Variants in AFF4 observed in about 807,000 individuals in gnomAD.
The protein encoded by AFF4 is ALF transcription elongation factor 4, also known as AF4/FMR2 family member 4.
AFF4 carries 13 observed loss-of-function variants against 124.8 expected under a neutral mutation model. That is an observed-to-expected ratio of 0.10 (90% CI 0.07 to 0.17). The LOEUF (loss-of-function observed/expected upper bound fraction) is 0.17. Among genes scored for constraint, AFF4 ranks in the 10% least tolerant of loss-of-function variants. The pLI is 1.00. For missense variants in AFF4, 1,092 were observed against 1,403.8 expected (o/e 0.78, Z 3.55); for synonymous variants, 477 against 496.1 (o/e 0.96, Z 0.51).
rs895660242 is a variant in AFF4 at position 132,937,756 on chromosome 5, T to G, written c.-4-563A>C. 39 of 152,234 alleles carry G rather than the reference T, an allele frequency of 2.6e-4. 1 individual carries two copies. Among genetic ancestry groups the G allele is most frequent in the Non-Finnish European group, 2.9e-5 (2 of 68,050 alleles). 9.4% of individuals were successfully genotyped at this position (152,234 alleles called of 1,614,324 possible). On this transcript the variant is annotated intron_variant, in intron 1 of 20. Coordinates refer to ENST00000265343, the MANE Select transcript of AFF4 (RefSeq NM_014423.4). The stretch of plus-strand genomic sequence containing the variant: ...TCTAGATTCCCTAAAAAACGACATT[T>G]CTGCTCTAAATATATTAATATTTCA...
chr5:132,963,072 C>T (rs984452809), intron 1 of AFF4, among the ~76,000 whole-genome samples, 187 bp downstream of exon 1: 1 of 152,112 alleles, frequency 6.6e-6, no homozygotes, highest in Non-Finnish European at 1.5e-5. Context: ...ATTTTCTTAT[C>T]TTTGCGGGAA....
In AFF4 at chr5:132,876,122, C is replaced by A. The variant is rs1346012504; in HGVS notation, c.*4937G>T. The A allele has an allele frequency of 8.7e-6, 2 of 230,756 alleles. No individual in the cohort carries two copies. The highest frequency in any genetic ancestry group is 5.7e-5 in the Admixed American group (1 of 17,672). 14.3% of individuals were successfully genotyped at this position (230,756 alleles called of 1,614,324 possible). On this transcript the variant is annotated 3_prime_UTR_variant, in exon 21 of 21. Transcript: ENST00000265343. The stretch of plus-strand genomic sequence containing the variant: ...ATAGAAATTTTCATAACTGTGCTTA[C>A]CAACCCCACAACTGGCCCTTAAAGG...
intron 5 of AFF4, among the ~76,000 whole-genome samples, 177 bp from the exon 6 acceptor site, chr5:132,904,581 A>G (rs977848684): frequency 6.6e-6 from 1 of 152,250 alleles, no homozygotes; most frequent in Non-Finnish European, 1.5e-5. Flanking sequence ...CCCAGAGATT[A>G]ATACAAAAAG....
In AFF4 at chr5:132,934,600, T is replaced by C. The variant is rs908406830; in HGVS notation, c.465A>G (p.Ser155=). 1 of 1,614,170 alleles carries C rather than the reference T, an allele frequency of 6.2e-7. No homozygotes were observed. Among genetic ancestry groups the C allele is most frequent in the Non-Finnish European group, 8.5e-7 (1 of 1,180,030 alleles). ...GGCTACTGCTCCCACTATTGTTATATGACTCACGGTCGTGCCTCTGACCAC... is the reference window on the plus strand; with the variant it reads ...GGCTACTGCTCCCACTATTGTTATACGACTCACGGTCGTGCCTCTGACCAC... The part of the protein sequence containing the change: ...NSSGQRHDRE[S]YNNSGSSSRK... The change falls in exon 3 of 21, where the codon TCA becomes TCG. Residue 155 remains serine, a synonymous_variant. Coordinates refer to ENST00000265343, the MANE Select transcript of AFF4 (RefSeq NM_014423.4).
At chr5:132,899,511 T>A in intron 8 of AFF4, 76 bp downstream of exon 8, 1 of 1,266,522 alleles carries the variant, frequency 7.9e-7, no homozygotes, top group Non-Finnish European at 1.1e-6. Context: ...ATAAATGCAT[T>A]ATTCAATTAT....
chr5:132,934,020 C>A, intron 3 of AFF4, 127 bp downstream of exon 3: 1 of 1,116,964 alleles, frequency 9.0e-7, no homozygotes. Context: ...ACATTTTTTT[C>A]ATCTTTCAAC....
Position 132,930,089 on chromosome 5 carries a change from A to G in AFF4, c.963+2089T>C, listed in dbSNP as rs181560791. On this transcript the variant is annotated intron_variant, in intron 4 of 20. Coordinates refer to ENST00000265343, the MANE Select transcript of AFF4 (RefSeq NM_014423.4). ...TGTACTACTAATCCAAGGAAGTCTGATAAGTATGGCTTTAGACATGTTGAG... is the reference window on the plus strand; with the variant it reads ...TGTACTACTAATCCAAGGAAGTCTGGTAAGTATGGCTTTAGACATGTTGAG... Among the ~76,000 whole-genome samples the G allele has an allele frequency of 2.6e-5, 4 of 152,354 alleles. No individual in the cohort carries two copies. In the East Asian group the frequency reaches 7.7e-4, roughly 29 times the overall value.
At chr5:132,915,844 C>A (rs985538730) in intron 5 of AFF4, among the ~76,000 whole-genome samples, 2 of 151,870 alleles carry the variant, frequency 1.3e-5, no homozygotes, top group African/African-American at 4.8e-5. Flanking sequence ...AGCCACTACG[C>A]CCGGCTGACT....
intron 1 of AFF4, among the ~76,000 whole-genome samples, chr5:132,955,793 A>T (rs1443503305): frequency 9.7e-4 from 132 of 136,280 alleles, no homozygotes; most frequent in East Asian, 1.8e-3. Flanking sequence ...AAAAAAAAAA[A>T]AAATATATAT....
At chr5:132,898,445 G>T in intron 9 of AFF4, 53 bp from the exon 10 acceptor site, 2 of 1,526,514 alleles carry the variant, frequency 1.3e-6, no homozygotes, top group East Asian at 2.3e-5. Flanking sequence ...ATTGACAACA[G>T]GAAAACATCC....
chr5:132,886,285 G>T, intron 18 of AFF4, 25 bp downstream of exon 18: 1 of 1,602,822 alleles, frequency 6.2e-7, no homozygotes, highest in Non-Finnish European at 8.5e-7. Context: ...CCTAGGAAAC[G>T]GACCTTGTGC....
At chr5:132,920,101 G>A (rs1458610598) in intron 5 of AFF4, among the ~76,000 whole-genome samples, 1 of 151,816 alleles carries the variant, frequency 6.6e-6, no homozygotes, top group East Asian at 1.9e-4. Flanking sequence ...CCAGGCTGGA[G>A]TGCACTGGCG....
rs1231229456 is a variant in AFF4 at position 132,963,580 on chromosome 5, G to C, written c.-326C>G. 1.1e-4 allele frequency: 42 copies of C among 397,692 alleles called. No homozygotes were observed. The East Asian group carries it at 1.5e-3, about 14-fold the overall frequency. 24.6% of individuals were successfully genotyped at this position (397,692 alleles called of 1,614,324 possible). A position where few individuals can be genotyped will look rare whatever the true frequency, so the allele number is the denominator to read the frequency against. Reference sequence around the variant, plus strand: ...GACCTGGCACCAGGATCCCCGCCCCGTCCGCTGGCGGCGGCGACGGCAGCT... The same window carrying C: ...GACCTGGCACCAGGATCCCCGCCCCCTCCGCTGGCGGCGGCGACGGCAGCT... On this transcript the variant is annotated 5_prime_UTR_variant, in exon 1 of 21. Coordinates refer to ENST00000265343, the MANE Select transcript of AFF4 (RefSeq NM_014423.4).
intron 1 of AFF4, among the ~76,000 whole-genome samples, chr5:132,960,639 A>C (rs183911622): frequency 4.8e-4 from 73 of 152,328 alleles, no homozygotes; most frequent in African/African-American, 1.8e-3. Flanking sequence ...TTCCCTTTCA[A>C]ATACTGATCC....
chr5:132,902,731 T>C (rs1760581597), intron 6 of AFF4, among the ~76,000 whole-genome samples: 1 of 152,226 alleles, frequency 6.6e-6, no homozygotes, highest in South Asian at 2.1e-4. Context: ...AATCTGGTAA[T>C]ACCTTCTCAG....
chr5:132,879,970 T>G lies in AFF4; in HGVS notation c.*1089A>C, dbSNP rs1759932415. ...CATCAGGCATTAGAACTGTAAGCTG[T>G]ATAGCAAAAGCACACACCGAAGCTC... On this transcript the variant is annotated 3_prime_UTR_variant, in exon 21 of 21. Transcript: ENST00000265343. The G allele has an allele frequency of 2.7e-6, 1 of 364,392 alleles. No homozygotes were observed. The highest frequency in any genetic ancestry group is 4.6e-5 in the Admixed American group (1 of 21,674). 22.6% of individuals were successfully genotyped at this position (364,392 alleles called of 1,614,324 possible). A position where few individuals can be genotyped will look rare whatever the true frequency, so the allele number is the denominator to read the frequency against.
Position 132,897,085 on chromosome 5 carries a change from G to A in AFF4, c.1545C>T (p.Tyr515=). Residue 515 remains tyrosine, a synonymous_variant, in exon 11 of 21, where the codon TAC becomes TAT. Coordinates refer to ENST00000265343, the MANE Select transcript of AFF4 (RefSeq NM_014423.4). ...TTTCTTTAGGTCCACTTGTATCAGT[G>A]TAGCTATTCCCAGTGCCCTGCTCTC... ...EGREQGTGNS[Y]TDTSGPKETS... is the part of the protein sequence containing the mutation. 6.2e-7 allele frequency: 1 copy of A among 1,614,188 alleles called. No homozygotes were observed. Among genetic ancestry groups the A allele is most frequent in the Non-Finnish European group, 8.5e-7 (1 of 1,180,034 alleles).
At chr5:132,893,151 T>G (rs753769516) in intron 11 of AFF4, 33 bp from the exon 12 acceptor site, 4 of 1,584,366 alleles carry the variant, frequency 2.5e-6, no homozygotes, top group Admixed American at 1.7e-5. Flanking sequence ...GGTCTGATTT[T>G]TATTCAACTA....
chr5:132,899,506 T>C, intron 8 of AFF4, 81 bp downstream of exon 8: 1 of 1,229,680 alleles, frequency 8.1e-7, no homozygotes, highest in Non-Finnish European at 1.1e-6. Flanking sequence ...AAGTAATAAA[T>C]GCATTATTCA....
Sources: gnomAD v4.1 joint callset for allele counts (sites outside exome capture counted in the v4.1 genomes callset) on GRCh38, gnomAD v4.1.1 for gene constraint, MANE v1.5 for transcripts, NCBI Gene and HGNC (gene_info 2026-07-23, HGNC 2026-07-21) for gene names.